Variants in FSTL5 observed in about 807,000 individuals in gnomAD.
The protein encoded by FSTL5 is follistatin like 5.
In FSTL5, 62 loss-of-function variants were observed where a neutral mutation model predicts 89.1. The observed-to-expected ratio is 0.70, with a 90% CI of 0.57 to 0.86. FSTL5 has a LOEUF of 0.86. FSTL5 is among the 40% of genes least tolerant of loss of function. The pLI, the probability that FSTL5 is intolerant of heterozygous loss-of-function variation, is 0.00. For missense variants in FSTL5, 1,057 were observed against 1,001.6 expected, an observed-to-expected ratio of 1.06 and a Z score of -0.75; for synonymous variants, 383 against 346.2, an observed-to-expected ratio of 1.11 and a Z score of -1.18.
chr4:161,747,049 T>C (rs1328111795), intron 6 of FSTL5, among the ~76,000 whole-genome samples: 2 of 152,212 alleles, frequency 1.3e-5, no homozygotes, highest in African/African-American at 4.8e-5. Flanking sequence ...CCCCTTGAGA[T>C]ACTATATTGT....
intron 5 of FSTL5, among the ~76,000 whole-genome samples, chr4:161,760,320 T>C (rs1303341741): frequency 1.3e-5 from 2 of 152,196 alleles, no homozygotes; most frequent in Non-Finnish European, 2.9e-5. Flanking sequence ...GCTGCATAGC[T>C]GTGACCATGG....
At chr4:161,681,666 G>C (rs576928593) in intron 6 of FSTL5, among the ~76,000 whole-genome samples, 1 of 151,962 alleles carries the variant, frequency 6.6e-6, no homozygotes, top group East Asian at 1.9e-4. Context: ...TTATCTTTAA[G>C]AGTAATAAAT....
intron 3 of FSTL5, among the ~76,000 whole-genome samples, chr4:161,961,524 A>T (rs920247755): frequency 3.5e-5 from 5 of 144,524 alleles, no homozygotes; most frequent in African/African-American, 1.3e-4. Context: ...ACTCTAGAAA[A>T]ATATATATAT....
chr4:161,928,590 A>G (rs1366944475), intron 3 of FSTL5, among the ~76,000 whole-genome samples: 1 of 151,768 alleles, frequency 6.6e-6, no homozygotes, highest in East Asian at 1.9e-4. Context: ...TAGTGTCTGC[A>G]ATGTTTTGGA....
intron 7 of FSTL5, among the ~76,000 whole-genome samples, chr4:161,649,773 C>A (rs140201329): frequency 6.6e-6 from 1 of 152,070 alleles, no homozygotes; most frequent in African/African-American, 2.4e-5. Flanking sequence ...TTATTGCATG[C>A]CAGAGATCTA....
chr4:161,983,754 T>C (rs1453992880), intron 3 of FSTL5, among the ~76,000 whole-genome samples: 2 of 152,142 alleles, frequency 1.3e-5, no homozygotes, highest in Non-Finnish European at 2.9e-5. Context: ...AAAATAACCT[T>C]AGGGCATGCA....
At chr4:161,998,039 G>T (rs191789378) in intron 3 of FSTL5, among the ~76,000 whole-genome samples, 143 of 152,264 alleles carry the variant, frequency 9.4e-4, no homozygotes, top group African/African-American at 3.2e-3. Context: ...GAGAATACAA[G>T]AAATAGAGTT....
At chr4:161,868,057 C>T (rs1732147482) in intron 4 of FSTL5, among the ~76,000 whole-genome samples, 1 of 151,790 alleles carries the variant, frequency 6.6e-6, no homozygotes, top group African/African-American at 2.4e-5. Context: ...ATAAAAGCTG[C>T]ATCAGAAATA....
chr4:161,890,975 T>TA (rs955239276), intron 4 of FSTL5, among the ~76,000 whole-genome samples: 8 of 151,630 alleles, frequency 5.3e-5, no homozygotes, highest in East Asian at 1.9e-4. Flanking sequence ...ACTGAGTTCA[T>TA]AAAAAAAAAT....
At chr4:161,412,763 A>G (rs1403135720) in intron 15 of FSTL5, among the ~76,000 whole-genome samples, 5 of 152,016 alleles carry the variant, frequency 3.3e-5, no homozygotes, top group Non-Finnish European at 7.4e-5. Flanking sequence ...ATAAACCTAC[A>G]CTCCTACAAC....
intron 6 of FSTL5, among the ~76,000 whole-genome samples, chr4:161,678,225 C>A (rs973896816): frequency 6.6e-6 from 1 of 151,566 alleles, no homozygotes; most frequent in African/African-American, 2.4e-5. Context: ...TGTATATATA[C>A]AGCCCCCACA....
At chr4:161,499,837 T>G (rs1169814301) in intron 12 of FSTL5, among the ~76,000 whole-genome samples, 179 bp downstream of exon 12, 2 of 77,332 alleles carry the variant, frequency 2.6e-5, no homozygotes, top group Non-Finnish European at 8.1e-5. Flanking sequence ...GAATACATAA[T>G]ATATTATTTT....
intron 7 of FSTL5, among the ~76,000 whole-genome samples, chr4:161,611,111 A>G (rs564263710): frequency 2.1e-5 from 3 of 145,990 alleles, no homozygotes; most frequent in Non-Finnish European, 4.5e-5. Flanking sequence ...GAGGACAAGA[A>G]AAGAAAAGAT....
intron 3 of FSTL5, among the ~76,000 whole-genome samples, chr4:162,028,816 G>C: frequency 6.6e-6 from 1 of 152,042 alleles, no homozygotes; most frequent in South Asian, 2.1e-4. Flanking sequence ...ATAGCTAATG[G>C]CTTTCAGTAC....
chr4:161,904,743 CCTT>C (rs1306845718), intron 4 of FSTL5, among the ~76,000 whole-genome samples: 7 of 151,826 alleles, frequency 4.6e-5, no homozygotes, highest in African/African-American at 9.6e-5. Context: ...TATAAATGTG[CCTT>C]CTTATTTAAT....
intron 4 of FSTL5, among the ~76,000 whole-genome samples, chr4:161,779,198 T>C (rs1174606039): frequency 6.6e-6 from 1 of 152,206 alleles, no homozygotes; most frequent in African/African-American, 2.4e-5. Flanking sequence ...CATTAATGCT[T>C]TCCTTCCCCA....
chr4:162,011,699 G>A (rs979415897), intron 3 of FSTL5, among the ~76,000 whole-genome samples: 6 of 152,100 alleles, frequency 3.9e-5, no homozygotes, highest in African/African-American at 1.2e-4. Context: ...GTTTCACCAT[G>A]TTGGCCAGGC....
At chr4:161,920,374 G>T (rs1204938829) in intron 4 of FSTL5, 30 bp downstream of exon 4, 1 of 1,601,980 alleles carries the variant, frequency 6.2e-7, no homozygotes, top group East Asian at 2.2e-5. Flanking sequence ...AATAGAGTGG[G>T]GTGACACTTA....
intron 15 of FSTL5, among the ~76,000 whole-genome samples, chr4:161,404,654 A>G (rs1041684726): frequency 6.6e-6 from 1 of 152,110 alleles, no homozygotes; most frequent in Non-Finnish European, 1.5e-5. Flanking sequence ...GATTTAAATG[A>G]CAGTACGTAA....
Sources: allele counts gnomAD v4.1 joint callset (sites outside exome capture counted in the v4.1 genomes callset), GRCh38; gene constraint gnomAD v4.1.1; transcripts MANE v1.5; gene names NCBI Gene and HGNC (gene_info 2026-07-23, HGNC 2026-07-21).